The following CCN4 variants were observed in gnomAD, a reference collection of about 807,000 sequenced individuals.
CCN4 encodes cellular communication network factor 4.
CCN4 carries 30 observed loss-of-function variants against 36.7 expected under a neutral mutation model. That is an observed-to-expected ratio of 0.82 (90% CI 0.61 to 1.11). The LOEUF (loss-of-function observed/expected upper bound fraction) is 1.11. CCN4 is among the 50% of genes least tolerant of loss of function. The pLI, the probability that CCN4 is intolerant of heterozygous loss-of-function variation, is 0.00. For synonymous variants in CCN4, 191 were observed against 195.4 expected, an observed-to-expected ratio of 0.98 and a Z score of 0.19; for missense variants, 505 against 504.9, an observed-to-expected ratio of 1.00 and a Z score of 0.00.
chr8:133,194,418 G>GGT (rs1466181707), intron 1 of CCN4, among the ~76,000 whole-genome samples: 1 of 113,536 alleles, frequency 8.8e-6, no homozygotes, highest in African/African-American at 3.7e-5. Context: ...GGATTTGTGT[G>GGT]GTGTGTGTGT....
At chr8:133,207,808 G>A (rs942063091) in intron 1 of CCN4, among the ~76,000 whole-genome samples, 11 of 152,174 alleles carry the variant, frequency 7.2e-5, no homozygotes, top group Admixed American at 2.0e-4. Context: ...TGCCTTCAAA[G>A]GATGGCAGAT....
chr8:133,207,994 G>GT lies in CCN4; in HGVS notation c.70-4856dup, dbSNP rs33983896. Among the ~76,000 whole-genome samples, 1,408 of 141,612 alleles carry GT rather than the reference G, an allele frequency of 9.9e-3. 45 individuals carry two copies. The highest frequency in any genetic ancestry group is 0.058 in the Admixed American group (829 of 14,332). 92.9% of individuals were successfully genotyped at this position (141,612 alleles called of 152,430 possible). ...ATGGTGCACTCACTACCTTTCAGCT[G>GT]TTTTTTTTTTTTTTCATCAGAAAAT... On this transcript the variant is annotated intron_variant, in intron 1 of 4. Transcript: ENST00000250160.
intron 1 of CCN4, among the ~76,000 whole-genome samples, chr8:133,209,582 C>T (rs980343940): frequency 6.6e-6 from 1 of 152,238 alleles, no homozygotes; most frequent in African/African-American, 2.4e-5. Context: ...CCTGGCACCT[C>T]CAGGCACTTA....
intron 3 of CCN4, among the ~76,000 whole-genome samples, chr8:133,224,049 C>T (rs1360721904): frequency 3.3e-5 from 5 of 151,892 alleles, no homozygotes; most frequent in Non-Finnish European, 5.9e-5. Context: ...TGGGTGCTTT[C>T]ATAGGCGTGA....
intron 1 of CCN4, among the ~76,000 whole-genome samples, chr8:133,197,608 G>A (rs1052114494): frequency 2.0e-5 from 3 of 152,140 alleles, no homozygotes; most frequent in African/African-American, 7.2e-5. Context: ...CAGAGTCGAG[G>A]GAGAAGAGAC....
chr8:133,216,268 C>G (rs1450650794), intron 2 of CCN4, among the ~76,000 whole-genome samples: 1 of 152,174 alleles, frequency 6.6e-6, no homozygotes, highest in Admixed American at 6.5e-5. Flanking sequence ...GTTCCTAGGA[C>G]AGGCTAAATC....
At position 133,198,209 on chromosome 8, in the gene CCN4, C is replaced by T. The variant is rs1018363088; in HGVS notation, c.69+6996C>T. ...AGCAGCAGGGGAGCTCACGCTGCTG[C>T]TTCTCTAGAAAGGGGTTGTCGGCAC... On this transcript the variant is annotated intron_variant, in intron 1 of 4. Coordinates refer to ENST00000250160, the MANE Select transcript of CCN4 (RefSeq NM_003882.4). Among the ~76,000 whole-genome samples the T allele has an allele frequency of 2.6e-4, 39 of 152,200 alleles. 1 individual carries two copies. Among genetic ancestry groups the T allele is most frequent in the Non-Finnish European group, 2.9e-5 (2 of 68,026 alleles).
In CCN4 at chr8:133,227,540, C is replaced by T. The variant is rs1460995052; in HGVS notation, c.934C>T (p.Pro312Ser). 6.2e-7 allele frequency: 1 copy of T among 1,614,088 alleles called. No homozygotes were observed. Among genetic ancestry groups the T allele is most frequent in the African/African-American group, 1.3e-5 (1 of 74,930 alleles). Residue 312 changes from proline (P) to serine (S), a missense_variant, in exon 5 of 5, where the codon CCC becomes TCC. By Grantham distance (74) the Pro-to-Ser change is moderately conservative. Coordinates refer to ENST00000250160, the MANE Select transcript of CCN4 (RefSeq NM_003882.4). ...GVCMDNRCCI[P>S]YKSKTIDVSF... is the part of the protein sequence containing the mutation. ...TTGCATGGACAATAGGTGCTGCATCCCCTACAAGTCTAAGACTATCGACGT... is the reference window on the plus strand; with the variant it reads ...TTGCATGGACAATAGGTGCTGCATCTCCTACAAGTCTAAGACTATCGACGT...
intron 1 of CCN4, among the ~76,000 whole-genome samples, chr8:133,195,544 G>C (rs1473912246): frequency 2.0e-5 from 3 of 152,014 alleles, no homozygotes; most frequent in Non-Finnish European, 2.9e-5. Flanking sequence ...CCCACCCAGA[G>C]CCTCTTTGGG....
intron 1 of CCN4, among the ~76,000 whole-genome samples, chr8:133,210,386 GGTGTGTGTGTGTGT>G (rs71299053): frequency 2.1e-5 from 3 of 145,588 alleles, no homozygotes; most frequent in Non-Finnish European, 4.5e-5. Flanking sequence ...CAAAAAGAGG[GGTGTGTGTGTGTGT>G]GTGTGTGTGT....
At chr8:133,215,401 C>T (rs1854283208) in intron 2 of CCN4, among the ~76,000 whole-genome samples, 1 of 152,186 alleles carries the variant, frequency 6.6e-6, no homozygotes, top group African/African-American at 2.4e-5. Context: ...GAGCTTGTCT[C>T]ATAATTTATT....
At chr8:133,196,402 A>G (rs993387602) in intron 1 of CCN4, among the ~76,000 whole-genome samples, 2 of 152,252 alleles carry the variant, frequency 1.3e-5, no homozygotes, top group Non-Finnish European at 2.9e-5. Flanking sequence ...TATTGAGATG[A>G]TAATATTTTG....
At position 133,227,408 on chromosome 8, in the gene CCN4, C is replaced by T. The variant is rs1564269231; in HGVS notation, c.805-3C>T. ...CACTGAAAGCTCCTTTCCTTTCCTT[C>T]AGGCAGGGAAGAAGTGTCTGGCTGT... On this transcript the variant is annotated splice_region_variant and splice_polypyrimidine_tract_variant and intron_variant, in intron 4 of 4. Transcript: ENST00000250160. The T allele has an allele frequency of 1.2e-6, 2 of 1,603,726 alleles. No individual in the cohort carries two copies. Among genetic ancestry groups the T allele is most frequent in the Non-Finnish European group, 1.7e-6 (2 of 1,173,754 alleles).
At chr8:133,199,474 A>T (rs987993254) in intron 1 of CCN4, among the ~76,000 whole-genome samples, 12 of 152,152 alleles carry the variant, frequency 7.9e-5, no homozygotes, top group African/African-American at 2.9e-4. Flanking sequence ...ACTAAGAAAG[A>T]GGACTTAGAA....
chr8:133,209,598 G>C (rs1853915641), intron 1 of CCN4, among the ~76,000 whole-genome samples: 2 of 152,208 alleles, frequency 1.3e-5, no homozygotes, highest in African/African-American at 4.8e-5. Flanking sequence ...ACTTAGAAAG[G>C]AAGCTTCCTT....
Position 133,225,397 on chromosome 8 carries a change from G to T in CCN4, c.618G>T (p.Val206=). The T allele has an allele frequency of 6.2e-7, 1 of 1,600,072 alleles. No individual in the cohort carries two copies. Among genetic ancestry groups the T allele is most frequent in the Non-Finnish European group, 8.5e-7 (1 of 1,170,586 alleles). ...APRDTGAFDA[V]GEVEAWHRNC... ...TCTGTTCCCCACACACAGATGCTGT[G>T]GGTGAGGTGGAGGCATGGCACAGGA... Residue 206 remains valine, a synonymous_variant, in exon 4 of 5, where the codon GTG becomes GTT. Transcript: ENST00000250160.
chr8:133,210,365 C>T (rs996535812), intron 1 of CCN4, among the ~76,000 whole-genome samples: 13 of 151,298 alleles, frequency 8.6e-5, no homozygotes, highest in Admixed American at 2.6e-4. Flanking sequence ...GGAAATGTCT[C>T]TCCCCAAAGT....
intron 1 of CCN4, among the ~76,000 whole-genome samples, chr8:133,206,037 G>A (rs1266035374): frequency 2.0e-5 from 3 of 152,086 alleles, no homozygotes; most frequent in East Asian, 1.9e-4. Context: ...CCGAGCTCCC[G>A]GGCTTCTTCA....
Position 133,230,802 on chromosome 8 carries a change from G to A in CCN4, c.*3092G>A, listed in dbSNP as rs191533905. 13 of 152,270 alleles carry A rather than the reference G, an allele frequency of 8.5e-5. No homozygotes were observed. The East Asian group carries it at 9.6e-4, about 11-fold the overall frequency. 9.4% of individuals were successfully genotyped at this position (152,270 alleles called of 1,614,324 possible). On this transcript the variant is annotated 3_prime_UTR_variant, in exon 5 of 5. Coordinates refer to ENST00000250160, the MANE Select transcript of CCN4 (RefSeq NM_003882.4). The stretch of plus-strand genomic sequence containing the variant: ...ACCTTATCATAAGCATTTTTTGAGC[G>A]CTTAGCATACACCAAGCCTTGTGGA...
Sources: gnomAD v4.1 joint callset for allele counts (sites outside exome capture counted in the v4.1 genomes callset) on GRCh38, gnomAD v4.1.1 for gene constraint, MANE v1.5 for transcripts, NCBI Gene and HGNC (gene_info 2026-07-23, HGNC 2026-07-21) for gene names.